Variants in TRAPPC9 observed in about 807,000 individuals in gnomAD.
The protein encoded by TRAPPC9 is trafficking protein particle complex subunit 9.
Under a neutral mutation model 124.0 loss-of-function variants are expected in TRAPPC9, and 83 were observed. The ratio of observed to expected loss-of-function variants is 0.67; its 90% CI spans 0.56 to 0.80. TRAPPC9 has a LOEUF of 0.80. Among genes scored for constraint, TRAPPC9 ranks in the 30% least tolerant of loss-of-function variants. The pLI, the probability that TRAPPC9 is intolerant of heterozygous loss-of-function variation, is 0.00. For synonymous variants in TRAPPC9, 638 were observed against 617.5 expected, an observed-to-expected ratio of 1.03 and a Z score of -0.49; for missense variants, 1,302 against 1,508.3, an observed-to-expected ratio of 0.86 and a Z score of 2.27.
At chr8:139,748,993 C>T (rs965821484) in intron 21 of TRAPPC9, among the ~76,000 whole-genome samples, 2 of 152,128 alleles carry the variant, frequency 1.3e-5, no homozygotes. Flanking sequence ...AGGAGGAAGA[C>T]ATTTTCCAGA....
At chr8:140,457,417 C>T (rs990857013) in intron 1 of TRAPPC9, among the ~76,000 whole-genome samples, 1 of 152,202 alleles carries the variant, frequency 6.6e-6, no homozygotes, top group African/African-American at 2.4e-5. Context: ...CGGCCTTGGA[C>T]AGATGTAAGC....
intron 17 of TRAPPC9, among the ~76,000 whole-genome samples, chr8:140,128,612 G>A (rs1386529441): frequency 6.6e-6 from 1 of 152,228 alleles, no homozygotes; most frequent in African/African-American, 2.4e-5. Context: ...CTCCTTGTAC[G>A]GCAGATCCTC....
At chr8:139,734,914 A>G (rs191224113) in intron 21 of TRAPPC9, among the ~76,000 whole-genome samples, 3 of 152,314 alleles carry the variant, frequency 2.0e-5, no homozygotes, top group Admixed American at 6.5e-5. Flanking sequence ...TTTCAAGGCT[A>G]TGATTTGCCC....
intron 21 of TRAPPC9, among the ~76,000 whole-genome samples, chr8:139,829,113 A>G (rs1825811565): frequency 6.6e-6 from 1 of 152,018 alleles, no homozygotes; most frequent in South Asian, 2.1e-4. Flanking sequence ...ATCTTCGTCT[A>G]TATTTAGAGA....
At chr8:140,153,173 G>A (rs956033719) in intron 17 of TRAPPC9, among the ~76,000 whole-genome samples, 4 of 152,160 alleles carry the variant, frequency 2.6e-5, no homozygotes, top group Non-Finnish European at 4.4e-5. Flanking sequence ...AAAATGCAAA[G>A]CTCATGATGT....
chr8:140,009,696 G>A (rs1041602345), intron 18 of TRAPPC9, among the ~76,000 whole-genome samples: 3 of 152,170 alleles, frequency 2.0e-5, no homozygotes, highest in Admixed American at 6.5e-5. Context: ...ACTCCCGCCC[G>A]TGGCGCAACA....
intron 21 of TRAPPC9, among the ~76,000 whole-genome samples, chr8:139,865,027 C>T (rs865901285): frequency 1.1e-4 from 16 of 152,284 alleles, no homozygotes; most frequent in African/African-American, 3.6e-4. Flanking sequence ...TTCACATCTG[C>T]ACTCATTAGC....
At chr8:140,397,910 TCTCATCTTG>T (rs1024169976) in intron 6 of TRAPPC9, among the ~76,000 whole-genome samples, 165 bp from the exon 7 acceptor site, 19 of 152,270 alleles carry the variant, frequency 1.2e-4, no homozygotes, top group African/African-American at 3.9e-4. Context: ...CCCACCCAAA[TCTCATCTTG>T]AATTGTACTC....
intron 9 of TRAPPC9, among the ~76,000 whole-genome samples, chr8:140,324,965 A>G (rs527981891): frequency 6.6e-6 from 1 of 152,306 alleles, no homozygotes; most frequent in South Asian, 2.1e-4. Context: ...CACACCATAA[A>G]ACACATCTCA....
chr8:139,794,021 C>T lies in TRAPPC9; in HGVS notation c.3056-61819G>A, dbSNP rs1482690679. On this transcript the variant is annotated intron_variant, in intron 21 of 22. Coordinates refer to ENST00000438773, the MANE Select transcript of TRAPPC9 (RefSeq NM_001160372.4). ...TTCAGCCACAGGCTCCTCCCCGTCA[C>T]CCCTGCAGGTCTCTTGGGAGAGGCC... Among the ~76,000 whole-genome samples, 6 of 152,238 alleles carry T rather than the reference C, an allele frequency of 3.9e-5. No homozygotes were observed. In the South Asian group the frequency reaches 6.2e-4, roughly 16 times the overall value.
At chr8:139,947,101 T>A (rs60142693) in intron 19 of TRAPPC9, among the ~76,000 whole-genome samples, 2 of 152,312 alleles carry the variant, frequency 1.3e-5, no homozygotes, top group East Asian at 3.9e-4. Flanking sequence ...ATTGCAGGGT[T>A]TCCATGCAAC....
At chr8:140,071,629 A>G (rs950535843) in intron 17 of TRAPPC9, among the ~76,000 whole-genome samples, 3 of 152,180 alleles carry the variant, frequency 2.0e-5, no homozygotes, top group Non-Finnish European at 4.4e-5. Context: ...CTGCCCGTGT[A>G]GATGGGGACG....
chr8:140,239,636 C>G (rs959168823), intron 16 of TRAPPC9, among the ~76,000 whole-genome samples: 1 of 152,188 alleles, frequency 6.6e-6, no homozygotes, highest in African/African-American at 2.4e-5. Context: ...GGCGCCTGGA[C>G]ACCTACACCA....
intron 17 of TRAPPC9, among the ~76,000 whole-genome samples, chr8:140,071,472 C>T (rs540603292): frequency 2.0e-5 from 3 of 152,328 alleles, no homozygotes; most frequent in East Asian, 1.9e-4. Flanking sequence ...CGGGCTCAAG[C>T]GTGCAGTCTC....
At chr8:139,982,524 C>T (rs957932704) in intron 19 of TRAPPC9, among the ~76,000 whole-genome samples, 39 of 152,224 alleles carry the variant, frequency 2.6e-4, no homozygotes, top group African/African-American at 8.9e-4. Flanking sequence ...AAACAGGGTT[C>T]CGAATGTCAT....
chr8:140,446,011 G>A (rs184333880), intron 2 of TRAPPC9, among the ~76,000 whole-genome samples: 2 of 152,332 alleles, frequency 1.3e-5, no homozygotes, highest in Non-Finnish European at 2.9e-5. Context: ...TGCAGACACT[G>A]GCTTGGTGCA....
chr8:140,191,948 G>T (rs543602620), intron 17 of TRAPPC9, among the ~76,000 whole-genome samples: 1 of 152,108 alleles, frequency 6.6e-6, no homozygotes, highest in Non-Finnish European at 1.5e-5. Context: ...TACTTCTCTG[G>T]GCCTAGCCAC....
At chr8:139,836,246 T>A (rs376669177) in intron 21 of TRAPPC9, among the ~76,000 whole-genome samples, 2 of 152,242 alleles carry the variant, frequency 1.3e-5, no homozygotes, top group East Asian at 1.9e-4. Context: ...TGACCTCAGG[T>A]GATCCACCCA....
intron 17 of TRAPPC9, among the ~76,000 whole-genome samples, chr8:140,194,854 T>G (rs1162492988): frequency 4.7e-5 from 7 of 150,500 alleles, no homozygotes; most frequent in African/African-American, 9.8e-5. Flanking sequence ...TAAAACACAC[T>G]CAAAGACCCA....
Sources: allele counts gnomAD v4.1 joint callset (sites outside exome capture counted in the v4.1 genomes callset), GRCh38; gene constraint gnomAD v4.1.1; transcripts MANE v1.5; gene names NCBI Gene and HGNC (gene_info 2026-07-23, HGNC 2026-07-21).